The following TRPC5 variants were observed in gnomAD, a reference collection of about 807,000 sequenced individuals.
The protein encoded by TRPC5 is transient receptor potential cation channel subfamily C member 5.
TRPC5 carries 9 observed loss-of-function variants against 56.5 expected under a neutral mutation model. That is an observed-to-expected ratio of 0.16 (90% confidence interval 0.10 to 0.28). The LOEUF (loss-of-function observed/expected upper bound fraction) is 0.28, where lower values mean the gene tolerates loss of function less well. Ranked by LOEUF, TRPC5 falls within the 10% of genes least tolerant of loss-of-function variation. The pLI is 1.00. For synonymous variants in TRPC5, 282 were observed against 278.5 expected (o/e 1.01, Z -0.13); for missense variants, 469 against 748.9 (o/e 0.63, Z 4.36).
chrX:111,923,245 C>T (rs754751863), intron 2 of TRPC5, among the ~76,000 whole-genome samples: 1 of 112,042 alleles, frequency 8.9e-6, no homozygotes, highest in Non-Finnish European at 1.9e-5. Context: ...ATCTTAAGTA[C>T]ATATTGCAGG....
At chrX:111,927,734 A>T in intron 2 of TRPC5, among the ~76,000 whole-genome samples, 1 of 111,422 alleles carries the variant, frequency 9.0e-6, no homozygotes, top group East Asian at 2.8e-4. Context: ...GATTATCATC[A>T]GAATAAAAAT....
chrX:111,980,898 A>G (rs1928060957), intron 1 of TRPC5, among the ~76,000 whole-genome samples: 1 of 98,794 alleles, frequency 1.0e-5, no homozygotes, highest in South Asian at 4.1e-4. Context: ...ATATATATAT[A>G]TATTATATAT....
At chrX:112,057,259 C>G (rs1386649009) in intron 1 of TRPC5, among the ~76,000 whole-genome samples, 1 of 111,574 alleles carries the variant, frequency 9.0e-6, no homozygotes, top group African/African-American at 3.3e-5. Flanking sequence ...GTTTTGTCTT[C>G]CCATCAATGA....
intron 1 of TRPC5, among the ~76,000 whole-genome samples, chrX:111,970,834 A>C (rs1927761958): frequency 9.8e-6 from 1 of 101,802 alleles, no homozygotes; most frequent in Admixed American, 1.1e-4. Flanking sequence ...CAGTGGCGCG[A>C]TCTCGGCTCA....
intron 5 of TRPC5, among the ~76,000 whole-genome samples, chrX:111,849,319 G>A (rs1923017896): frequency 8.9e-6 from 1 of 112,527 alleles, no homozygotes; most frequent in African/African-American, 3.2e-5. Context: ...GAAAGATATA[G>A]TATGTATGTG....
intron 1 of TRPC5, among the ~76,000 whole-genome samples, chrX:111,961,614 T>A (rs1420384163): frequency 8.9e-6 from 1 of 112,287 alleles, no homozygotes; most frequent in Non-Finnish European, 1.9e-5. Context: ...ATTTAAGATT[T>A]CTTTCATTGA....
At chrX:111,972,731 A>T (rs1927817907) in intron 1 of TRPC5, among the ~76,000 whole-genome samples, 1 of 112,076 alleles carries the variant, frequency 8.9e-6, no homozygotes, top group Admixed American at 9.5e-5. Context: ...TTCTAATTTA[A>T]TTTTTAAATC....
chrX:111,965,262 A>G, intron 1 of TRPC5, among the ~76,000 whole-genome samples: 1 of 112,265 alleles, frequency 8.9e-6, no homozygotes, highest in East Asian at 2.8e-4. Context: ...TCAATTCAAC[A>G]AGAAGAGCTA....
intron 1 of TRPC5, among the ~76,000 whole-genome samples, chrX:112,078,605 T>A (rs1350622003): frequency 8.9e-6 from 1 of 112,064 alleles, no homozygotes. Flanking sequence ...GGCAATTGCA[T>A]TGGCCACCAC....
At position 111,774,933 on chromosome X, in the gene TRPC5, C is replaced by T. The variant is rs745373276; in HGVS notation, c.*1380G>A. 1.8e-5 allele frequency: 2 copies of T among 110,454 alleles called. No individual in the cohort carries two copies. The highest frequency in any genetic ancestry group is 9.7e-5 in the Admixed American group (1 of 10,352). 9.1% of individuals were successfully genotyped at this position (110,454 alleles called of 1,213,427 possible). ...ATGTTAGAGTCTAAACTGAGGAAAC[C>T]TTTGTGCTAATGTTGGTAAAAGCCG... On this transcript the variant is annotated 3_prime_UTR_variant, in exon 11 of 11. Coordinates refer to ENST00000262839, the MANE Select transcript of TRPC5 (RefSeq NM_012471.3).
intron 1 of TRPC5, among the ~76,000 whole-genome samples, chrX:112,032,338 A>C (rs1929607579): frequency 1.1e-5 from 1 of 93,529 alleles, no homozygotes; most frequent in African/African-American, 5.8e-5. Context: ...AACAGTATGA[A>C]GGTTCCTCAA....
chrX:111,965,673 T>C (rs1485782731), intron 1 of TRPC5, among the ~76,000 whole-genome samples: 2 of 111,790 alleles, frequency 1.8e-5, no homozygotes, highest in Admixed American at 9.5e-5. Context: ...AAGAAACTCA[T>C]TCAAAACCAC....
chrX:112,009,051 A>G (rs1928922403), intron 1 of TRPC5, among the ~76,000 whole-genome samples: 1 of 111,467 alleles, frequency 9.0e-6, no homozygotes, highest in Non-Finnish European at 1.9e-5. Context: ...ATGCTGCCCT[A>G]GCGTGGGGGA....
intron 2 of TRPC5, among the ~76,000 whole-genome samples, chrX:111,915,053 C>T (rs1282161322): frequency 2.3e-5 from 2 of 88,574 alleles, no homozygotes; most frequent in Non-Finnish European, 4.0e-5. Context: ...CCTCTTTCCT[C>T]GCTCTCTTTC....
At chrX:111,939,590 A>G (rs757636878) in intron 2 of TRPC5, among the ~76,000 whole-genome samples, 7 of 111,506 alleles carry the variant, frequency 6.3e-5, no homozygotes, top group African/African-American at 2.3e-4. Context: ...TTATTGGTCT[A>G]TTTAGGTTTT....
rs6642980 is a variant in TRPC5, at chrX:112,057,996, C to G, written c.-22+23883G>C. The stretch of plus-strand genomic sequence containing the variant: ...TAATGGAGAGAGACCACCACCTATG[C>G]CTGTTCTTGCTTGCCCTTTCTCTAG... On this transcript the variant is annotated intron_variant, in intron 1 of 10. Transcript: ENST00000262839. 7.6e-3 allele frequency among the ~76,000 whole-genome samples: 851 copies of G among 111,315 alleles called. 11 individuals carry two copies. The highest frequency in any genetic ancestry group is 0.027 in the African/African-American group (815 of 30,633).
chrX:111,951,178 G>A (rs1455603521), intron 2 of TRPC5, among the ~76,000 whole-genome samples: 1 of 111,898 alleles, frequency 8.9e-6, no homozygotes, highest in Admixed American at 9.5e-5. Context: ...GAATCCTCTG[G>A]AGGGCTTGTT....
chrX:112,077,516 C>T lies in TRPC5; in HGVS notation c.-22+4363G>A, dbSNP rs922188469. Among the ~76,000 whole-genome samples the T allele has an allele frequency of 1.1e-4, 12 of 111,300 alleles. No individual in the cohort carries two copies. In the South Asian group the frequency reaches 2.3e-3, roughly 21 times the overall value. On this transcript the variant is annotated intron_variant, in intron 1 of 10. Transcript: ENST00000262839. ...CATAAAATGCAGATTCTTATTCAGT[C>T]GGTCTGGGGAAGGATTTGAGATTCT... is the stretch of plus-strand genomic sequence containing the variant.
intron 1 of TRPC5, among the ~76,000 whole-genome samples, chrX:112,025,239 T>C (rs1163348058): frequency 2.7e-5 from 3 of 112,008 alleles, no homozygotes; most frequent in Non-Finnish European, 5.6e-5. Flanking sequence ...ATAATGGTAT[T>C]TCAGTATATG....
Sources: allele counts gnomAD v4.1 joint callset (sites outside exome capture counted in the v4.1 genomes callset), GRCh38; gene constraint gnomAD v4.1.1; transcripts MANE v1.5; gene names NCBI Gene and HGNC (gene_info 2026-07-23, HGNC 2026-07-21).